SEPTIN7: variants seen among roughly 807,000 people sequenced by gnomAD.
The protein encoded by SEPTIN7 is septin-7.
SEPTIN7 carries 10 observed loss-of-function variants against 63.3 expected under a neutral mutation model. The ratio of observed to expected loss-of-function variants is 0.16; its 90% CI spans 0.10 to 0.27. The LOEUF (loss-of-function observed/expected upper bound fraction) is 0.27, where lower values mean the gene tolerates loss of function less well. SEPTIN7 is among the 10% of genes least tolerant of loss of function. SEPTIN7 has a pLI of 1.00. For synonymous variants in SEPTIN7, 131 were observed against 165.3 expected (o/e 0.79, Z 1.59); for missense variants, 310 against 521.0 (o/e 0.59, Z 3.94).
chr7:35,806,563 AC>A (rs1478746488), intron 1 of SEPTIN7, among the ~76,000 whole-genome samples: 3 of 152,228 alleles, frequency 2.0e-5, no homozygotes, highest in African/African-American at 7.2e-5. Context: ...AGAAAAAAAT[AC>A]GTGGATTTTA....
chr7:35,844,253 A>G (rs984739504), intron 3 of SEPTIN7, among the ~76,000 whole-genome samples: 2 of 152,230 alleles, frequency 1.3e-5, no homozygotes, highest in Admixed American at 1.3e-4. Context: ...AGTGCCATGT[A>G]GTCAGGAGTT....
In SEPTIN7 at chr7:35,801,117, C is replaced by G; in HGVS notation, c.-93C>G. ...GTAGCGTGCGTAAGCAAGGCAGCTA[C>G]GCCGGGCGGCTACGCTGCGGAATCG... On this transcript the variant is annotated 5_prime_UTR_variant, in exon 1 of 14. Transcript: ENST00000350320. The G allele has an allele frequency of 9.4e-7, 1 of 1,066,254 alleles. No individual in the cohort carries two copies. Among genetic ancestry groups the G allele is most frequent in the Non-Finnish European group, 1.3e-6 (1 of 772,256 alleles). 66.0% of individuals were successfully genotyped at this position (1,066,254 alleles called of 1,614,324 possible).
At chr7:35,898,946 A>C (rs1487162289) in intron 12 of SEPTIN7, 1 of 152,242 alleles carries the variant, frequency 6.6e-6, no homozygotes, top group Non-Finnish European at 1.5e-5. Context: ...CTGGTGTTAC[A>C]ACATTGGGCA....
At chr7:35,844,447 C>T (rs1784556061) in intron 3 of SEPTIN7, among the ~76,000 whole-genome samples, 1 of 152,146 alleles carries the variant, frequency 6.6e-6, no homozygotes, top group Admixed American at 6.5e-5. Flanking sequence ...CTGTATTTAA[C>T]TTTATATCTA....
intron 10 of SEPTIN7, 198 bp from the exon 11 acceptor site, chr7:35,890,470 A>G (rs1787562469): frequency 8.9e-6 from 3 of 335,950 alleles, no homozygotes; most frequent in Non-Finnish European, 1.6e-5. Context: ...TTTGGTGTCA[A>G]GTTAGCTTAT....
downstream of SEPTIN7, among the ~76,000 whole-genome samples, chr7:35,912,046 T>C (rs1788750594): frequency 6.6e-6 from 1 of 152,228 alleles, no homozygotes; most frequent in Non-Finnish European, 1.5e-5. Flanking sequence ...TCCTGACTCC[T>C]GAGAGAAGTA....
chr7:35,804,996 C>G (rs959544279), intron 1 of SEPTIN7, among the ~76,000 whole-genome samples: 7 of 152,016 alleles, frequency 4.6e-5, no homozygotes, highest in African/African-American at 1.7e-4. Flanking sequence ...GCTTGCCTGC[C>G]TCAGCCTCCC....
At chr7:35,872,547 TA>T in intron 4 of SEPTIN7, 118 bp from the exon 5 acceptor site, 1 of 706,270 alleles carries the variant, frequency 1.4e-6, no homozygotes, top group South Asian at 1.7e-5. Flanking sequence ...TAGGTAGATT[TA>T]GTTTGCTAAC....
chr7:35,909,651 G>A (rs1788703473), downstream of SEPTIN7, among the ~76,000 whole-genome samples: 3 of 152,238 alleles, frequency 2.0e-5, no homozygotes, highest in South Asian at 6.2e-4. Context: ...TGGAGTACTT[G>A]CTGTGTGCCA....
At chr7:35,828,259 ATCTT>A (rs1783619673) in intron 1 of SEPTIN7, among the ~76,000 whole-genome samples, 1 of 152,140 alleles carries the variant, frequency 6.6e-6, no homozygotes, top group Admixed American at 6.5e-5. Flanking sequence ...CTGTAATGGT[ATCTT>A]TCTCTGTAGC....
At chr7:35,812,978 G>C (rs1372298978) in intron 1 of SEPTIN7, among the ~76,000 whole-genome samples, 1 of 152,120 alleles carries the variant, frequency 6.6e-6, no homozygotes, top group Non-Finnish European at 1.5e-5. Flanking sequence ...TCTGATTATA[G>C]CCAGGTTTGG....
chr7:35,858,824 G>A (rs1785351952), intron 3 of SEPTIN7, among the ~76,000 whole-genome samples: 1 of 151,974 alleles, frequency 6.6e-6, no homozygotes, highest in South Asian at 2.1e-4. Context: ...GAGATTACAG[G>A]CATGCGCCAC....
intron 3 of SEPTIN7, among the ~76,000 whole-genome samples, chr7:35,846,292 G>C (rs1012406014): frequency 4.0e-4 from 61 of 151,928 alleles, no homozygotes; most frequent in Non-Finnish European, 8.4e-4. Context: ...TCCCATTGTT[G>C]GACCTGGAAG....
chr7:35,823,521 C>G (rs542072495), intron 1 of SEPTIN7, among the ~76,000 whole-genome samples: 1 of 152,226 alleles, frequency 6.6e-6, no homozygotes, highest in South Asian at 2.1e-4. Context: ...TTACTGTCTT[C>G]TTTACTTCCT....
chr7:35,884,148 G>A (rs1159544277), intron 9 of SEPTIN7, among the ~76,000 whole-genome samples, 161 bp downstream of exon 9: 2 of 152,098 alleles, frequency 1.3e-5, no homozygotes, highest in Non-Finnish European at 2.9e-5. Flanking sequence ...TTCTCTTTAA[G>A]TACATTGGTA....
intron 3 of SEPTIN7, among the ~76,000 whole-genome samples, chr7:35,861,398 C>T (rs570456080): frequency 3.0e-4 from 45 of 152,260 alleles, no homozygotes; most frequent in Non-Finnish European, 5.9e-4. Context: ...GAAAGAGTCA[C>T]CTCTCTTCAG....
rs187771641 is a variant in SEPTIN7, at chr7:35,851,975, C to A, written c.170-11577C>A. ...CCAACCTTACTCTTCTACTTTACCC[C>A]CCTGCATCCCTGTTTCAAATGTTTA... On this transcript the variant is annotated intron_variant, in intron 3 of 13. Transcript: ENST00000350320. 1.9e-3 allele frequency among the ~76,000 whole-genome samples: 291 copies of A among 152,292 alleles called. 1 individual carries two copies. Among genetic ancestry groups the A allele is most frequent in the African/African-American group, 6.7e-3 (278 of 41,562 alleles).
chr7:35,856,020 C>T (rs1398121645), intron 3 of SEPTIN7, among the ~76,000 whole-genome samples: 1 of 152,112 alleles, frequency 6.6e-6, no homozygotes, highest in African/African-American at 2.4e-5. Flanking sequence ...TATCAAACTT[C>T]CATGTGTTTC....
rs1351569665 is a variant in SEPTIN7 at position 35,905,595 on chromosome 7, C to A, written c.*1302C>A. 2 of 152,168 alleles carry A rather than the reference C, an allele frequency of 1.3e-5. No homozygotes were observed. The highest frequency in any genetic ancestry group is 4.8e-5 in the African/African-American group (2 of 41,414). 9.4% of individuals were successfully genotyped at this position (152,168 alleles called of 1,614,324 possible). On this transcript the variant is annotated 3_prime_UTR_variant, in exon 14 of 14. Coordinates refer to ENST00000350320, the MANE Select transcript of SEPTIN7 (RefSeq NM_001788.6). Reference sequence around the variant, plus strand: ...GTGCGGTGGCACAAACACGACTTGACTGCAGCCTCAACCCTCTGGGCTCAA... The same window carrying A: ...GTGCGGTGGCACAAACACGACTTGAATGCAGCCTCAACCCTCTGGGCTCAA...
Sources: gnomAD v4.1 joint callset for allele counts (sites outside exome capture counted in the v4.1 genomes callset) on GRCh38, gnomAD v4.1.1 for gene constraint, MANE v1.5 for transcripts, NCBI Gene and HGNC (gene_info 2026-07-23, HGNC 2026-07-21) for gene names.